Variants in PLXNA4 observed in about 807,000 individuals in gnomAD.
The protein encoded by PLXNA4 is plexin-A4.
Under a neutral mutation model 191.8 loss-of-function variants are expected in PLXNA4, and 44 were observed. That is an observed-to-expected ratio of 0.23 (90% CI 0.18 to 0.29). The LOEUF is 0.29. PLXNA4 is among the 10% of genes least tolerant of loss of function. PLXNA4 has a pLI of 1.00. For missense variants in PLXNA4, 1,800 were observed against 2,488.8 expected, an observed-to-expected ratio of 0.72 and a Z score of 5.89; for synonymous variants, 1,082 against 1,009.5, an observed-to-expected ratio of 1.07 and a Z score of -1.36.
Position 132,298,076 on chromosome 7 carries a change from C to T in PLXNA4, c.1503+15G>A. ...ACTGCAAGACAAATGTCTAGCGGAG[C>T]CCGAAGAGCCTTACCTGCCTCTCTG... On this transcript the variant is annotated intron_variant, in intron 4 of 31. Coordinates refer to ENST00000321063, the MANE Select transcript of PLXNA4 (RefSeq NM_020911.2). The T allele has an allele frequency of 4.3e-6, 7 of 1,614,112 alleles. No individual in the cohort carries two copies. Among genetic ancestry groups the T allele is most frequent in the Non-Finnish European group, 5.9e-6 (7 of 1,180,010 alleles).
At chr7:132,569,397 G>C (rs2116745399) in intron 1 of PLXNA4, among the ~76,000 whole-genome samples, 1 of 152,290 alleles carries the variant, frequency 6.6e-6, no homozygotes, top group South Asian at 2.1e-4. Context: ...GGGAACCCAG[G>C]CTGTGACTGG....
chr7:132,287,834 C>T (rs1352712005), intron 4 of PLXNA4, among the ~76,000 whole-genome samples: 4 of 152,132 alleles, frequency 2.6e-5, no homozygotes, highest in African/African-American at 4.8e-5. Flanking sequence ...GGCACTTGTC[C>T]CACCTTGTGT....
At chr7:132,294,151 T>C (rs1449442590) in intron 4 of PLXNA4, among the ~76,000 whole-genome samples, 1 of 152,038 alleles carries the variant, frequency 6.6e-6, no homozygotes, top group African/African-American at 2.4e-5. Context: ...GAGAGGAGAT[T>C]GGGAGTTTAT....
At chr7:132,540,869 G>A (rs149299316) in intron 1 of PLXNA4, among the ~76,000 whole-genome samples, 6,832 of 151,478 alleles carry the variant, frequency 0.045, 462 homozygotes, top group East Asian at 0.23. Flanking sequence ...TTACAGGCGT[G>A]AGCCACCGCG....
intron 20 of PLXNA4, among the ~76,000 whole-genome samples, chr7:132,176,214 C>T (rs57825190): frequency 0.17 from 25,925 of 152,264 alleles, 2,443 homozygotes; most frequent in Middle Eastern, 0.29. Context: ...GGAGAGTCCT[C>T]TGCAGCCTCT....
chr7:132,357,123 G>A (rs1054281921), intron 3 of PLXNA4, among the ~76,000 whole-genome samples: 5 of 152,138 alleles, frequency 3.3e-5, no homozygotes, highest in Non-Finnish European at 7.4e-5. Flanking sequence ...CCAAAAGCCT[G>A]GAAAAAATGT....
At chr7:132,627,281 T>TTCCTA (rs1241093508) in intron 2 of PLXNA4, among the ~76,000 whole-genome samples, 1 of 152,192 alleles carries the variant, frequency 6.6e-6, no homozygotes, top group Non-Finnish European at 1.5e-5. Flanking sequence ...ACCTGTCAAC[T>TTCCTA]TCCTATTATG....
chr7:132,452,826 C>T (rs1252802080), intron 3 of PLXNA4, among the ~76,000 whole-genome samples: 5 of 152,220 alleles, frequency 3.3e-5, no homozygotes, highest in Non-Finnish European at 5.9e-5. Context: ...GTCCTAATTA[C>T]ATCCCTCCAT....
At chr7:132,593,299 G>T (rs2116829467) in intron 2 of PLXNA4, among the ~76,000 whole-genome samples, 1 of 100,240 alleles carries the variant, frequency 1.0e-5, no homozygotes, top group South Asian at 4.8e-4. Context: ...ACAGGTCTCA[G>T]GTCTCACTTA....
chr7:132,226,809 A>C (rs1374500961), intron 7 of PLXNA4, among the ~76,000 whole-genome samples: 1 of 152,100 alleles, frequency 6.6e-6, no homozygotes, highest in Non-Finnish European at 1.5e-5. Context: ...CACAGCCCTG[A>C]CCCTAGGCCC....
At chr7:132,389,778 G>A (rs574845167) in intron 3 of PLXNA4, among the ~76,000 whole-genome samples, 26 of 152,242 alleles carry the variant, frequency 1.7e-4, no homozygotes, top group African/African-American at 5.8e-4. Flanking sequence ...TAAGAAATTT[G>A]AAGTAGTTTT....
rs529363632 is a variant in PLXNA4 at position 132,573,188 on chromosome 7, T to C, written c.-87+3234A>G. ...GAGCCAGTTTCACATTGGGTAGCAC[T>C]GGACACAAATAAGAAGAGAGGAGAC... On this transcript the variant is annotated intron_variant, in intron 1 of 31. Coordinates refer to ENST00000321063, the MANE Select transcript of PLXNA4 (RefSeq NM_020911.2). 2.7e-4 allele frequency among the ~76,000 whole-genome samples: 41 copies of C among 152,200 alleles called. 1 individual carries two copies. Among genetic ancestry groups the C allele is most frequent in the Middle Eastern group, 6.8e-3 (2 of 294 alleles).
chr7:132,214,983 C>T (rs1231528565), intron 9 of PLXNA4, among the ~76,000 whole-genome samples: 1 of 152,186 alleles, frequency 6.6e-6, no homozygotes, highest in African/African-American at 2.4e-5. Flanking sequence ...CTTTCCTCCT[C>T]TTTCCTCCCA....
intron 2 of PLXNA4, among the ~76,000 whole-genome samples, chr7:132,594,459 T>C (rs1170319432): frequency 1.3e-5 from 2 of 152,226 alleles, no homozygotes; most frequent in African/African-American, 4.8e-5. Flanking sequence ...TTTGTGATAC[T>C]TCATTATGGC....
Position 132,508,862 on chromosome 7 carries a change from A to T in PLXNA4, c.-86-83T>A. On this transcript the variant is annotated intron_variant, in intron 1 of 31. Coordinates refer to ENST00000321063, the MANE Select transcript of PLXNA4 (RefSeq NM_020911.2). This position sits in a 1 kb window ranked among gnomAD's most constrained non-coding sequence, Gnocchi z 4.4. The stretch of plus-strand genomic sequence containing the variant: ...ACAGCTTGTCTGCCTGGACTTTCAA[A>T]ATGTTCTGCACACACTGAGCAGAAC... 7.6e-7 allele frequency: 1 copy of T among 1,321,682 alleles called. No individual in the cohort carries two copies. The allele number at this position is 1,321,682 out of a possible 1,614,324, so 81.9% of individuals were successfully genotyped here.
chr7:132,189,842 G>C (rs1797032911), intron 14 of PLXNA4, among the ~76,000 whole-genome samples: 1 of 152,176 alleles, frequency 6.6e-6, no homozygotes, highest in African/African-American at 2.4e-5. Context: ...TGAGGGATGG[G>C]GGTGGGCCTC....
intron 1 of PLXNA4, among the ~76,000 whole-genome samples, chr7:132,560,148 C>T (rs1386886139): frequency 6.6e-6 from 1 of 152,190 alleles, no homozygotes; most frequent in Non-Finnish European, 1.5e-5. Context: ...ATTTTAATCA[C>T]CAATCTCTTA....
At chr7:132,545,556 G>C (rs1800264088) in intron 1 of PLXNA4, among the ~76,000 whole-genome samples, 1 of 152,180 alleles carries the variant, frequency 6.6e-6, no homozygotes, top group African/African-American at 2.4e-5. Context: ...GCAGGGCAAT[G>C]GGTTGACCCA....
intron 3 of PLXNA4, among the ~76,000 whole-genome samples, chr7:132,449,279 C>T (rs1203793019): frequency 6.6e-5 from 10 of 152,170 alleles, no homozygotes; most frequent in African/African-American, 2.2e-4. Flanking sequence ...GTGCTTTGGG[C>T]TTTTGGTTCT....
Sources: gnomAD v4.1 joint callset for allele counts (sites outside exome capture counted in the v4.1 genomes callset) on GRCh38, gnomAD v4.1.1 for gene constraint, Gnocchi (gnomAD v3.1) non-coding constraint, MANE v1.5 for transcripts, NCBI Gene and HGNC (gene_info 2026-07-23, HGNC 2026-07-21) for gene names.